Variants in MLXIPL observed in about 807,000 individuals in gnomAD.
The protein encoded by MLXIPL is MLX interacting protein like, also known as carbohydrate-responsive element-binding protein.
Under a neutral mutation model 81.5 loss-of-function variants are expected in MLXIPL, and 49 were observed. That is an observed-to-expected ratio of 0.60 (90% CI 0.48 to 0.76). MLXIPL has a LOEUF of 0.76. Among genes scored for constraint, MLXIPL ranks in the 30% least tolerant of loss-of-function variants. MLXIPL has a pLI of 0.00. For synonymous variants in MLXIPL, 466 were observed against 485.5 expected, an observed-to-expected ratio of 0.96 and a Z score of 0.53; for missense variants, 1,053 against 1,167.0, an observed-to-expected ratio of 0.90 and a Z score of 1.42.
the MLXIPL span, among the ~76,000 whole-genome samples, chr7:73,630,699 C>G: frequency 6.6e-6 from 1 of 152,216 alleles, no homozygotes; most frequent in African/African-American, 2.4e-5. Flanking sequence ...GAATGCCAGC[C>G]TGTTCCACAA....
intron 7 of MLXIPL, among the ~76,000 whole-genome samples, chr7:73,603,118 T>C (rs1795013870): frequency 6.6e-6 from 1 of 151,968 alleles, no homozygotes; most frequent in Admixed American, 6.5e-5. Context: ...CCTGCCTCCA[T>C]AGAGTTCTGG....
rs782741978 is a variant in MLXIPL at position 73,596,214 on chromosome 7, T to C, written c.1997A>G (p.Lys666Arg). The C allele has an allele frequency of 1.4e-5, 23 of 1,613,364 alleles. No individual in the cohort carries two copies. The East Asian group carries it at 2.2e-4, about 16-fold the overall frequency. Residue 666 changes from lysine to arginine, a missense_variant, in exon 13 of 17, where the codon AAG (lysine) becomes AGG (arginine). Lys to Arg is a conservative substitution (Grantham distance 26, BLOSUM62 2). Around this residue, in one of 3 missense-constraint regions of MLXIPL, gnomAD observed 823 missense variants for 933.0 expected, o/e 0.88. Coordinates refer to ENST00000313375, the MANE Select transcript of MLXIPL (RefSeq NM_032951.3). This position sits in a 1 kb window ranked among gnomAD's most constrained non-coding sequence, Gnocchi z 4.7. ...CCCATGAAGGGTGTCAAACCCCAGC[T>C]TGATGTTGAAGCGCCGCTTCTGCTC... ...SAEQKRRFNI[K>R]LGFDTLHGLV...
upstream of MLXIPL, among the ~76,000 whole-genome samples, chr7:73,627,822 C>A (rs1304403611): frequency 6.6e-6 from 1 of 152,054 alleles, no homozygotes; most frequent in Non-Finnish European, 1.5e-5. Context: ...GGCTTGGGAC[C>A]TCCTGGCTCC....
At chr7:73,629,753 T>A in the MLXIPL span, among the ~76,000 whole-genome samples, 1 of 152,016 alleles carries the variant, frequency 6.6e-6, no homozygotes, top group Admixed American at 6.6e-5. Context: ...GTTCATAAAT[T>A]ATTCCATTTA....
In MLXIPL at chr7:73,616,193, G is replaced by C. The variant is rs541039842; in HGVS notation, c.294-16C>G. 5 of 1,598,362 alleles carry C rather than the reference G, an allele frequency of 3.1e-6. No homozygotes were observed. The highest frequency in any genetic ancestry group is 4.3e-6 in the Non-Finnish European group (5 of 1,165,736). ...CAGCTTGCCACTGTCAAAGGGGAGA[G>C]GAGTAGGGTTAGGGAGATGCAGTGC... is the stretch of plus-strand genomic sequence containing the variant. On this transcript the variant is annotated splice_polypyrimidine_tract_variant and intron_variant, in intron 1 of 16. Coordinates refer to ENST00000313375, the MANE Select transcript of MLXIPL (RefSeq NM_032951.3).
rs1289006564 is a variant in MLXIPL, at chr7:73,607,450, G to T, written c.484-30C>A. The T allele has an allele frequency of 3.3e-6, 5 of 1,535,888 alleles. No individual in the cohort carries two copies. In the Admixed American group the frequency reaches 9.8e-5, roughly 30 times the overall value. On this transcript the variant is annotated intron_variant, in intron 3 of 16. Transcript: ENST00000313375. ...GGTAGGGGCCGGGGGAGGGGGATCA[G>T]TAGAGAGGGGAGCACCGCACACCCA... is the stretch of plus-strand genomic sequence containing the variant.
intron 6 of MLXIPL, 55 bp downstream of exon 6, chr7:73,605,855 T>C: frequency 6.4e-7 from 1 of 1,559,564 alleles, no homozygotes; most frequent in Non-Finnish European, 8.7e-7. Context: ...TCCCTTGGCC[T>C]CCTGGAATCT....
At chr7:73,607,933 T>C (rs1554598903) in intron 2 of MLXIPL, among the ~76,000 whole-genome samples, 1 of 148,836 alleles carries the variant, frequency 6.7e-6, no homozygotes, top group East Asian at 2.0e-4. Flanking sequence ...CTTGGCTCAC[T>C]GCAACCTCCA....
intron 2 of MLXIPL, chr7:73,610,850 G>A (rs1554599569): frequency 6.6e-6 from 1 of 151,258 alleles, no homozygotes; most frequent in African/African-American, 2.4e-5. Context: ...TTAAGATGAA[G>A]TCTCACTCTG....
upstream of MLXIPL, chr7:73,624,696 C>T: frequency 5.9e-6 from 4 of 683,040 alleles, no homozygotes; most frequent in Non-Finnish European, 7.2e-6. Flanking sequence ...CGGGTTGGCC[C>T]CATCTCCCTT....
intron 1 of MLXIPL, among the ~76,000 whole-genome samples, chr7:73,617,179 C>A (rs1301928603): frequency 6.6e-6 from 1 of 152,074 alleles, no homozygotes. Context: ...CCACGTTCAG[C>A]TAATTTTTTT....
intron 15 of MLXIPL, 35 bp from the exon 16 acceptor site, chr7:73,594,438 C>G (rs986192872): frequency 6.3e-7 from 1 of 1,599,174 alleles, no homozygotes; most frequent in Non-Finnish European, 8.5e-7. Context: ...TGTGGTCCAG[C>G]TGGTCCCCCC....
chr7:73,602,165 T>TTCC (rs1554596517), intron 7 of MLXIPL, among the ~76,000 whole-genome samples: 46 of 148,520 alleles, frequency 3.1e-4, no homozygotes, highest in South Asian at 6.5e-4. Flanking sequence ...CCTTCCTTCC[T>TTCC]TTCTTTCCCT....
At position 73,596,038 on chromosome 7, in the gene MLXIPL, G is replaced by A; in HGVS notation, c.2059-69C>T. The A allele has an allele frequency of 6.2e-7, 1 of 1,604,548 alleles. No homozygotes were observed. Among genetic ancestry groups the A allele is most frequent in the Non-Finnish European group, 8.5e-7 (1 of 1,178,024 alleles). Reference sequence around the variant, plus strand: ...TACCCTGGGACCCACTGAGGCACTGGGATGGGAGGAGGCAAGAGTGTCTGG... The same window carrying A: ...TACCCTGGGACCCACTGAGGCACTGAGATGGGAGGAGGCAAGAGTGTCTGG... On this transcript the variant is annotated intron_variant, in intron 13 of 16. Coordinates refer to ENST00000313375, the MANE Select transcript of MLXIPL (RefSeq NM_032951.3). This position sits in a 1 kb window ranked among gnomAD's most constrained non-coding sequence, Gnocchi z 4.7.
the MLXIPL span, among the ~76,000 whole-genome samples, chr7:73,639,937 C>T: frequency 2.0e-5 from 3 of 150,942 alleles, no homozygotes; most frequent in Non-Finnish European, 4.4e-5. Context: ...TGGTGGTGGG[C>T]GCCTGTAGTC....
At chr7:73,630,209 G>A in the MLXIPL span, among the ~76,000 whole-genome samples, 1 of 151,406 alleles carries the variant, frequency 6.6e-6, no homozygotes, top group Non-Finnish European at 1.5e-5. Flanking sequence ...GTGTTAGCCA[G>A]GAAGGTCTCG....
upstream of MLXIPL, chr7:73,624,581 C>A: frequency 7.0e-7 from 1 of 1,430,316 alleles, no homozygotes; most frequent in South Asian, 1.5e-5. Context: ...CATAGCCCCG[C>A]CCCCACACCA....
At chr7:73,646,072 T>A in the MLXIPL span, among the ~76,000 whole-genome samples, 1 of 152,100 alleles carries the variant, frequency 6.6e-6, no homozygotes, top group Non-Finnish European at 1.5e-5. Flanking sequence ...TAGCCAAAAC[T>A]TTTTCTTTGG....
At chr7:73,607,827 A>G (rs1554598874) in intron 2 of MLXIPL, among the ~76,000 whole-genome samples, 155 bp from the exon 3 acceptor site, 1 of 144,184 alleles carries the variant, frequency 6.9e-6, no homozygotes, top group East Asian at 2.1e-4. Flanking sequence ...GTCTTCTCGG[A>G]TGATGCTCTA....
Sources: gnomAD v4.1 joint callset for allele counts (sites outside exome capture counted in the v4.1 genomes callset) on GRCh38, gnomAD v4.1.1 for gene constraint, gnomAD v4.1.1 regional missense constraint, Gnocchi (gnomAD v3.1) non-coding constraint, MANE v1.5 for transcripts, NCBI Gene and HGNC (gene_info 2026-07-23, HGNC 2026-07-21) for gene names.